The following HEMK2 variants were observed in gnomAD, a reference collection of about 807,000 sequenced individuals.
HEMK2 encodes methyltransferase HEMK2.
the HEMK2 span, among the ~76,000 whole-genome samples, chr21:28,696,371 A>C: frequency 6.6e-6 from 1 of 152,208 alleles, no homozygotes; most frequent in African/African-American, 2.4e-5. Context: ...CGTAAGTCTA[A>C]AATTCAACAG....
the HEMK2 span, among the ~76,000 whole-genome samples, chr21:28,612,974 G>A: frequency 6.6e-6 from 1 of 152,000 alleles, no homozygotes; most frequent in Non-Finnish European, 1.5e-5. Context: ...GCTCATAGAT[G>A]GGTAGAATCA....
At chr21:28,857,299 G>A in the HEMK2 span, among the ~76,000 whole-genome samples, 1 of 146,612 alleles carries the variant, frequency 6.8e-6, no homozygotes, top group South Asian at 2.1e-4. Context: ...CCTTAAAATT[G>A]TAGAGGTTTT....
At chr21:28,771,006 AAC>A in the HEMK2 span, among the ~76,000 whole-genome samples, 83,193 of 151,756 alleles carry the variant, frequency 0.55, 26,555 homozygotes, top group African/African-American at 0.87. Flanking sequence ...ATAAGATTAA[AAC>A]ACACACACAC....
At chr21:28,608,864 C>T in the HEMK2 span, among the ~76,000 whole-genome samples, 1 of 152,104 alleles carries the variant, frequency 6.6e-6, no homozygotes, top group Admixed American at 6.5e-5. Context: ...TTCCATTGGC[C>T]TGAGAACCAC....
chr21:28,851,165 G>A, the HEMK2 span, among the ~76,000 whole-genome samples: 1 of 152,138 alleles, frequency 6.6e-6, no homozygotes, highest in African/African-American at 2.4e-5. Flanking sequence ...CAAAAGGAGA[G>A]TAGTTATCTG....
At chr21:28,681,739 T>C in the HEMK2 span, among the ~76,000 whole-genome samples, 7 of 150,978 alleles carry the variant, frequency 4.6e-5, no homozygotes, top group African/African-American at 1.7e-4. Context: ...CCCTCAGAAA[T>C]AATGCCGCAT....
chr21:28,880,972 C>T, the HEMK2 span, among the ~76,000 whole-genome samples: 57 of 147,798 alleles, frequency 3.9e-4, no homozygotes, highest in African/African-American at 1.3e-3. Flanking sequence ...TACCTACCCT[C>T]GTCATTGTAA....
At chr21:28,637,506 A>C in the HEMK2 span, among the ~76,000 whole-genome samples, 1 of 152,154 alleles carries the variant, frequency 6.6e-6, no homozygotes, top group East Asian at 1.9e-4. Flanking sequence ...CAGAGCTGAG[A>C]ATCGCATTAC....
chr21:28,884,235 T>C, the HEMK2 span, among the ~76,000 whole-genome samples: 1 of 152,218 alleles, frequency 6.6e-6, no homozygotes, highest in Non-Finnish European at 1.5e-5. Flanking sequence ...TTCTGGGCTA[T>C]CTTGAGAAGA....
the HEMK2 span, among the ~76,000 whole-genome samples, chr21:28,597,643 A>G: frequency 6.6e-6 from 1 of 152,214 alleles, no homozygotes; most frequent in Non-Finnish European, 1.5e-5. Flanking sequence ...ATTTGAGACA[A>G]GGAATCAAAA....
chr21:28,847,162 T>C, the HEMK2 span, among the ~76,000 whole-genome samples: 1 of 152,070 alleles, frequency 6.6e-6, no homozygotes, highest in African/African-American at 2.4e-5. Flanking sequence ...AGGAATGGGA[T>C]TGGTATTTCT....
the HEMK2 span, among the ~76,000 whole-genome samples, chr21:28,778,906 C>T: frequency 2.6e-4 from 39 of 152,240 alleles, no homozygotes; most frequent in East Asian, 9.6e-4. Flanking sequence ...TTCACATGGG[C>T]TTTCACAGAG....
At chr21:28,848,924 C>T in the HEMK2 span, among the ~76,000 whole-genome samples, 3 of 152,206 alleles carry the variant, frequency 2.0e-5, no homozygotes, top group Non-Finnish European at 2.9e-5. Flanking sequence ...CCTGCCTGCG[C>T]TCTGCCACTG....
chr21:28,686,342 C>T, the HEMK2 span, among the ~76,000 whole-genome samples: 3 of 152,246 alleles, frequency 2.0e-5, no homozygotes, highest in Non-Finnish European at 2.9e-5. Context: ...TCAAGCGACT[C>T]TCCTGCCTCA....
the HEMK2 span, among the ~76,000 whole-genome samples, chr21:28,691,291 A>G: frequency 6.6e-6 from 1 of 152,176 alleles, no homozygotes; most frequent in East Asian, 1.9e-4. Context: ...CCTTTTAACC[A>G]GTTTTTGAAA....
At chr21:28,717,103 A>C in the HEMK2 span, among the ~76,000 whole-genome samples, 2 of 152,104 alleles carry the variant, frequency 1.3e-5, no homozygotes, top group Non-Finnish European at 2.9e-5. Context: ...TCTTTGCCAG[A>C]TTCTGCTATC....
At chr21:28,772,210 T>C in the HEMK2 span, among the ~76,000 whole-genome samples, 4 of 152,184 alleles carry the variant, frequency 2.6e-5, no homozygotes, top group Non-Finnish European at 5.9e-5. Flanking sequence ...GTTTCAACCA[T>C]GCCTATGTTG....
chr21:28,883,537 A>C, the HEMK2 span, among the ~76,000 whole-genome samples: 1 of 72,934 alleles, frequency 1.4e-5, no homozygotes, highest in Non-Finnish European at 4.4e-5. Context: ...TATCCTAGAG[A>C]ATTAAAAGGT....
chr21:28,773,941 T>C, the HEMK2 span, among the ~76,000 whole-genome samples: 1 of 152,146 alleles, frequency 6.6e-6, no homozygotes, highest in Admixed American at 6.5e-5. Flanking sequence ...TGTGAGTTTA[T>C]TTTCACAAAG....
Sources: gnomAD v4.1 joint callset for allele counts (sites outside exome capture counted in the v4.1 genomes callset) on GRCh38, gnomAD v4.1.1 for gene constraint, MANE v1.5 for transcripts, NCBI Gene and HGNC (gene_info 2026-07-23, HGNC 2026-07-21) for gene names.